The following GNB1 variants were observed in gnomAD, a reference collection of about 807,000 sequenced individuals.
The protein encoded by GNB1 is guanine nucleotide-binding protein G(I)/G(S)/G(T) subunit beta-1.
A neutral mutation model predicts 42.9 loss-of-function variants in GNB1; 2 were observed. The observed-to-expected ratio is 0.05, with a 90% CI of 0.02 to 0.15. The LOEUF (loss-of-function observed/expected upper bound fraction) is 0.15. GNB1 is among the 10% of genes least tolerant of loss of function. The pLI is 1.00. For synonymous variants in GNB1, 183 were observed against 174.7 expected (o/e 1.05, Z -0.38); for missense variants, 193 against 462.2 (o/e 0.42, Z 5.34).
intron 4 of GNB1, 31 bp downstream of exon 4, chr1:1,817,806 G>A (rs1646877073): frequency 1.3e-6 from 2 of 1,562,800 alleles, no homozygotes; most frequent in Non-Finnish European, 8.8e-7. Context: ...CTCACAGGCA[G>A]ATGGCTCTGC....
chr1:1,828,028 A>G (rs1395027162), intron 2 of GNB1, among the ~76,000 whole-genome samples: 1 of 152,216 alleles, frequency 6.6e-6, no homozygotes, highest in Non-Finnish European at 1.5e-5. Context: ...ATGCTTCAAA[A>G]ATGATGTTCC....
chr1:1,857,342 T>C (rs1425066550), intron 1 of GNB1, among the ~76,000 whole-genome samples: 2 of 152,180 alleles, frequency 1.3e-5, no homozygotes, highest in African/African-American at 2.4e-5. Flanking sequence ...TCCAGTGTGC[T>C]TTCTCTGCTC....
In GNB1 at chr1:1,880,461, G is replaced by A. The variant is rs57581218; in HGVS notation, c.-96+10359C>T. Among the ~76,000 whole-genome samples the A allele has an allele frequency of 3.0e-3, 455 of 152,042 alleles. 1 individual carries two copies. The highest frequency in any genetic ancestry group is 0.024 in the Middle Eastern group (7 of 294). The stretch of plus-strand genomic sequence containing the variant: ...AAATTAGCCGGGCGTGGTGGGGGGT[G>A]CCTGTAGTCCCAGCTACTCGGAGAG... On this transcript the variant is annotated intron_variant, in intron 1 of 11. Coordinates refer to ENST00000378609, the MANE Select transcript of GNB1 (RefSeq NM_002074.5).
chr1:1,861,478 T>TAAA lies in GNB1; in HGVS notation c.-95-22243_-95-22241dup, dbSNP rs60111654. Among the ~76,000 whole-genome samples the TAAA allele has an allele frequency of 8.2e-3, 1,241 of 151,140 alleles. 22 individuals carry two copies. Among genetic ancestry groups the TAAA allele is most frequent in the African/African-American group, 0.029 (1,203 of 41,172 alleles). The stretch of plus-strand genomic sequence containing the variant: ...TCAAAAATAATAATAATAATAATAA[T>TAAA]AAAAACCCAGCAGGAACTCAGTAAC... On this transcript the variant is annotated intron_variant, in intron 1 of 11. Transcript: ENST00000378609.
At chr1:1,858,943 T>C (rs76379986) in intron 1 of GNB1, among the ~76,000 whole-genome samples, 6 of 152,214 alleles carry the variant, frequency 3.9e-5, no homozygotes, top group East Asian at 3.9e-4. Context: ...ATTCTGAAGT[T>C]TGAGAAGCTG....
At chr1:1,839,477 A>G (rs964030424) in intron 1 of GNB1, among the ~76,000 whole-genome samples, 11 of 152,208 alleles carry the variant, frequency 7.2e-5, no homozygotes, top group Non-Finnish European at 1.2e-4. Flanking sequence ...CCCAGGGAAA[A>G]TACCTTGAAT....
chr1:1,825,269 G>A (rs1570674619), intron 3 of GNB1, 128 bp downstream of exon 3: 2 of 730,142 alleles, frequency 2.7e-6, no homozygotes, highest in East Asian at 2.5e-5. Context: ...GTACATCCTG[G>A]GCCAACTAAG....
chr1:1,819,540 T>G (rs1646903381), intron 3 of GNB1, among the ~76,000 whole-genome samples: 2 of 151,104 alleles, frequency 1.3e-5, no homozygotes, highest in South Asian at 4.2e-4. Flanking sequence ...TTTTAAACTA[T>G]GTATTTATTT....
intron 5 of GNB1, among the ~76,000 whole-genome samples, chr1:1,807,463 GAAAAAAA>G (rs533616486): frequency 2.7e-3 from 70 of 25,562 alleles, no homozygotes; most frequent in African/African-American, 0.015. Context: ...GATCCTGACT[GAAAAAAA>G]AAAAAAAAAA....
At position 1,880,369 on chromosome 1, in the gene GNB1, G is replaced by T. The variant is rs552072658; in HGVS notation, c.-96+10451C>A. ...TAATCCCAGCGCTTTGGGAGGCCGA[G>T]GCAGGCGGATCACGAGGTCAGGAGA... On this transcript the variant is annotated intron_variant, in intron 1 of 11. Coordinates refer to ENST00000378609, the MANE Select transcript of GNB1 (RefSeq NM_002074.5). Among the ~76,000 whole-genome samples the T allele has an allele frequency of 2.6e-5, 4 of 152,202 alleles. No homozygotes were observed. The South Asian group carries it at 8.3e-4, about 32-fold the overall frequency.
chr1:1,878,708 C>T (rs1649681018), intron 1 of GNB1, among the ~76,000 whole-genome samples: 3 of 152,166 alleles, frequency 2.0e-5, no homozygotes, highest in African/African-American at 7.2e-5. Context: ...ACATCTTTGG[C>T]CCTGAATACG....
chr1:1,832,620 C>G (rs1219502183), intron 2 of GNB1, among the ~76,000 whole-genome samples: 1 of 152,194 alleles, frequency 6.6e-6, no homozygotes. Context: ...GCAATGTGCT[C>G]CGTGTAGTGC....
At chr1:1,804,282 G>A (rs1646666359) in intron 7 of GNB1, 137 bp downstream of exon 7, 1 of 609,306 alleles carries the variant, frequency 1.6e-6, no homozygotes, top group Non-Finnish European at 2.8e-6. Context: ...CTGGGTGACA[G>A]AGCGAGACTC....
intron 5 of GNB1, among the ~76,000 whole-genome samples, chr1:1,815,130 G>T (rs201427495): frequency 1.3e-5 from 2 of 150,500 alleles, no homozygotes; most frequent in Non-Finnish European, 1.5e-5. Flanking sequence ...AAAAAAAAAA[G>T]AGAAAAGAAA....
At chr1:1,869,617 T>C (rs1269363269) in intron 1 of GNB1, among the ~76,000 whole-genome samples, 4 of 152,182 alleles carry the variant, frequency 2.6e-5, no homozygotes, top group Non-Finnish European at 5.9e-5. Flanking sequence ...GAGGAGCCTA[T>C]TTGTCTTATC....
chr1:1,825,994 T>C (rs1185106771), intron 2 of GNB1, among the ~76,000 whole-genome samples: 1 of 152,234 alleles, frequency 6.6e-6, no homozygotes, highest in East Asian at 1.9e-4. Context: ...TATGATTATT[T>C]ATTGGCTTTG....
In GNB1 at chr1:1,786,002, A is replaced by G. The variant is rs892989837; in HGVS notation, c.*1061T>C. The G allele has an allele frequency of 3.0e-5, 12 of 398,726 alleles. No individual in the cohort carries two copies. The highest frequency in any genetic ancestry group is 2.3e-4 in the African/African-American group (11 of 48,588). The allele number at this position is 398,726 out of a possible 1,614,324, so 24.7% of individuals were successfully genotyped here. A position where few individuals can be genotyped will look rare whatever the true frequency, so the allele number is the denominator to read the frequency against. On this transcript the variant is annotated 3_prime_UTR_variant, in exon 12 of 12. Transcript: ENST00000378609. Reference sequence around the variant, plus strand: ...GGACTGAGTCCCATATGCACTTTTGAGCATTTCTACAGCATGCGATTCTAA... The same window carrying G: ...GGACTGAGTCCCATATGCACTTTTGGGCATTTCTACAGCATGCGATTCTAA...
chr1:1,876,622 T>TC (rs1238392459), intron 1 of GNB1, among the ~76,000 whole-genome samples: 1 of 152,028 alleles, frequency 6.6e-6, no homozygotes, highest in Non-Finnish European at 1.5e-5. Flanking sequence ...CACCTCAGCC[T>TC]CCCAAAGTGA....
chr1:1,864,913 C>T (rs907804533), intron 1 of GNB1, among the ~76,000 whole-genome samples: 2 of 152,152 alleles, frequency 1.3e-5, no homozygotes, highest in African/African-American at 4.8e-5. Flanking sequence ...TTGGTTTTGC[C>T]TGATTGCCTT....
Sources: allele counts gnomAD v4.1 joint callset (sites outside exome capture counted in the v4.1 genomes callset), GRCh38; gene constraint gnomAD v4.1.1; transcripts MANE v1.5; gene names NCBI Gene and HGNC (gene_info 2026-07-23, HGNC 2026-07-21).